The following LINGO2 variants were observed in gnomAD, a reference collection of about 807,000 sequenced individuals.
The protein encoded by LINGO2 is leucine rich repeat and Ig domain containing 2, also known as leucine-rich repeat and immunoglobulin-like domain-containing nogo receptor-interacting protein 2.
LINGO2 carries 14 observed loss-of-function variants against 30.6 expected under a neutral mutation model. The ratio of observed to expected loss-of-function variants is 0.46; its 90% confidence interval spans 0.30 to 0.72. LINGO2 has a LOEUF of 0.72. Among genes scored for constraint, LINGO2 ranks in the 30% least tolerant of loss-of-function variants. The pLI is 0.07. For synonymous variants in LINGO2, 317 were observed against 288.5 expected (o/e 1.10, Z -1.00); for missense variants, 729 against 751.7 (o/e 0.97, Z 0.35).
chr9:29,065,608 C>T, the LINGO2 span, among the ~76,000 whole-genome samples: 2 of 151,792 alleles, frequency 1.3e-5, no homozygotes, highest in Admixed American at 1.3e-4. Flanking sequence ...TTAACCTGCC[C>T]TATATTACAT....
At chr9:29,078,929 G>A in the LINGO2 span, among the ~76,000 whole-genome samples, 1 of 151,804 alleles carries the variant, frequency 6.6e-6, no homozygotes, top group Admixed American at 6.6e-5. Context: ...AGCTGCATAA[G>A]TGCTTTAGAG....
At chr9:28,325,132 G>C (rs1825182107) in intron 3 of LINGO2, among the ~76,000 whole-genome samples, 1 of 150,964 alleles carries the variant, frequency 6.6e-6, no homozygotes, top group Non-Finnish European at 1.5e-5. Flanking sequence ...AAGATGGCCT[G>C]TTTCTCTCAG....
At chr9:29,004,640 C>A in the LINGO2 span, among the ~76,000 whole-genome samples, 2 of 151,880 alleles carry the variant, frequency 1.3e-5, no homozygotes, top group African/African-American at 2.4e-5. Flanking sequence ...CTTTCCAGGG[C>A]TACAGAGCTA....
intron 3 of LINGO2, among the ~76,000 whole-genome samples, chr9:28,301,121 A>T (rs1824124271): frequency 6.6e-6 from 1 of 152,170 alleles, no homozygotes; most frequent in Non-Finnish European, 1.5e-5. Flanking sequence ...AGTGTGGCTG[A>T]CTTTGACAAG....
intron 4 of LINGO2, among the ~76,000 whole-genome samples, chr9:28,237,576 G>A (rs573842231): frequency 1.2e-4 from 18 of 152,240 alleles, no homozygotes; most frequent in African/African-American, 4.3e-4. Flanking sequence ...CTCGCCAGGT[G>A]CGGTGGCTCA....
chr9:29,076,038 T>G, the LINGO2 span, among the ~76,000 whole-genome samples: 14 of 152,012 alleles, frequency 9.2e-5, no homozygotes, highest in Non-Finnish European at 1.8e-4. Context: ...CTGATTTTTT[T>G]TTTTTAATTT....
At chr9:28,016,298 G>A (rs528241562) in intron 4 of LINGO2, among the ~76,000 whole-genome samples, 2 of 152,202 alleles carry the variant, frequency 1.3e-5, no homozygotes, top group African/African-American at 4.8e-5. Context: ...CAGGGTTTCC[G>A]TTGCAGATCC....
intron 4 of LINGO2, among the ~76,000 whole-genome samples, chr9:28,263,379 A>T (rs1052071307): frequency 1.4e-4 from 22 of 152,020 alleles, no homozygotes; most frequent in Admixed American, 3.9e-4. Context: ...ACATAACAAA[A>T]TAATGGCTGT....
chr9:28,483,037 A>G (rs1826037213), intron 1 of LINGO2, among the ~76,000 whole-genome samples: 1 of 152,126 alleles, frequency 6.6e-6, no homozygotes, highest in South Asian at 2.1e-4. Context: ...CATTGTAAAG[A>G]AGAATTAAAT....
rs540446347 is a variant in LINGO2 at position 28,163,888 on chromosome 9, C to A, written c.-87+131320G>T. Among the ~76,000 whole-genome samples the A allele has an allele frequency of 1.1e-4, 17 of 152,194 alleles. 1 individual carries two copies. The highest frequency in any genetic ancestry group is 3.4e-4 in the African/African-American group (14 of 41,522). On this transcript the variant is annotated intron_variant, in intron 4 of 5. Coordinates refer to ENST00000379992, the Ensembl canonical transcript of LINGO2. ...AAATGATTTAACTTCATGATGTAAC[C>A]AGAAACTCTTCTGCAATAGCCCAGA... is the stretch of plus-strand genomic sequence containing the variant.
At chr9:29,150,632 A>G in the LINGO2 span, among the ~76,000 whole-genome samples, 1 of 152,216 alleles carries the variant, frequency 6.6e-6, no homozygotes. Flanking sequence ...ACAGTTCAAA[A>G]TATCAACACC....
chr9:28,764,713 C>G, the LINGO2 span, among the ~76,000 whole-genome samples: 2 of 151,838 alleles, frequency 1.3e-5, no homozygotes, highest in Admixed American at 1.3e-4. Flanking sequence ...GTAAAACCAT[C>G]CCTGTTTGTG....
At chr9:28,535,596 A>C (rs1821402919) in intron 1 of LINGO2, among the ~76,000 whole-genome samples, 2 of 152,118 alleles carry the variant, frequency 1.3e-5, no homozygotes, top group Admixed American at 6.6e-5. Context: ...AGGTAGGCTA[A>C]GACTGTCCAA....
At chr9:28,027,868 T>C (rs889038772) in intron 4 of LINGO2, among the ~76,000 whole-genome samples, 1 of 152,090 alleles carries the variant, frequency 6.6e-6, no homozygotes, top group Non-Finnish European at 1.5e-5. Flanking sequence ...TGCCATAAAT[T>C]TTTGCCTCAA....
intron 1 of LINGO2, among the ~76,000 whole-genome samples, chr9:28,477,361 C>A (rs376892991): frequency 6.6e-6 from 1 of 152,048 alleles, no homozygotes; most frequent in African/African-American, 2.4e-5. Flanking sequence ...AAATGAGGCA[C>A]AGTTTAAGTG....
the LINGO2 span, among the ~76,000 whole-genome samples, chr9:29,208,325 C>T: frequency 7.2e-5 from 11 of 151,894 alleles, no homozygotes; most frequent in African/African-American, 9.7e-5. Context: ...TTTTCCTTGC[C>T]GCCTCTTTGT....
At chr9:28,672,610 A>G (rs1487512914), upstream of LINGO2, among the ~76,000 whole-genome samples, 1 of 152,174 alleles carries the variant, frequency 6.6e-6, no homozygotes, top group Non-Finnish European at 1.5e-5. Context: ...TTTAAGTTCC[A>G]TATCTTTAAT....
At chr9:28,622,177 T>C (rs1056348775) in intron 1 of LINGO2, among the ~76,000 whole-genome samples, 4 of 151,930 alleles carry the variant, frequency 2.6e-5, no homozygotes, top group Non-Finnish European at 4.4e-5. Flanking sequence ...TTTAGTTATT[T>C]TAAAATCTAC....
At chr9:29,131,795 T>G in the LINGO2 span, among the ~76,000 whole-genome samples, 1 of 151,902 alleles carries the variant, frequency 6.6e-6, no homozygotes. Flanking sequence ...ATGGTTTTCA[T>G]GGAAACTATC....
Sources: allele counts gnomAD v4.1 joint callset (sites outside exome capture counted in the v4.1 genomes callset), GRCh38; gene constraint gnomAD v4.1.1; transcripts MANE v1.5; gene names NCBI Gene and HGNC (gene_info 2026-07-23, HGNC 2026-07-21).